Variants in VAV2 observed in about 807,000 individuals in gnomAD.
The protein encoded by VAV2 is vav guanine nucleotide exchange factor 2.
A neutral mutation model predicts 132.5 loss-of-function variants in VAV2; 67 were observed. The ratio of observed to expected loss-of-function variants is 0.51; its 90% CI spans 0.42 to 0.62. The LOEUF is 0.62. Ranked by LOEUF, VAV2 falls within the 20% of genes least tolerant of loss-of-function variation. The probability of loss-of-function intolerance (pLI) is 0.00; values close to 1 mark genes in which losing one functional copy is unlikely to be tolerated. For synonymous variants in VAV2, 492 were observed against 443.5 expected (o/e 1.11, Z -1.37); for missense variants, 938 against 1,153.6 (o/e 0.81, Z 2.71).
rs908600236 is a variant in VAV2 at position 133,991,935 on chromosome 9, GCCGCCCGCCCGCGTCCCGGAGC to G, written c.204+118_204+139del. 5.4e-5 allele frequency: 35 copies of G among 649,108 alleles called. No homozygotes were observed. The highest frequency in any genetic ancestry group is 6.9e-5 in the Non-Finnish European group (35 of 505,366). The allele number at this position is 649,108 out of a possible 1,614,324, so 40.2% of individuals were successfully genotyped here. A position where few individuals can be genotyped will look rare whatever the true frequency, so the allele number is the denominator to read the frequency against. On this transcript the variant is annotated intron_variant, in intron 1 of 29. Coordinates refer to ENST00000371850, the MANE Select transcript of VAV2 (RefSeq NM_001134398.2). This position sits in a 1 kb window ranked among gnomAD's most constrained non-coding sequence, Gnocchi z 4.8. ...TCGGAGGCCCGGGGCGCACCCTCCA[GCCGCCCGCCCGCGTCCCGGAGC>G]CCGGCCGCCCCAGCCAGGGCGCCTG...
At chr9:133,792,378 C>G (rs114431265) in intron 12 of VAV2, among the ~76,000 whole-genome samples, 7 of 126,914 alleles carry the variant, frequency 5.5e-5, no homozygotes, top group Admixed American at 1.6e-4. Flanking sequence ...TGTGTGTGAG[C>G]GGGCTGTGCT....
chr9:133,963,687 G>A (rs942364441), intron 1 of VAV2, among the ~76,000 whole-genome samples: 3 of 152,142 alleles, frequency 2.0e-5, no homozygotes, highest in African/African-American at 4.8e-5. Flanking sequence ...TCCAAGGACT[G>A]TCACACGTGA....
intron 2 of VAV2, among the ~76,000 whole-genome samples, chr9:133,889,994 T>C (rs1051734284): frequency 1.3e-5 from 2 of 152,200 alleles, no homozygotes; most frequent in African/African-American, 4.8e-5. Flanking sequence ...TGGAAGGACC[T>C]GTCATCCTGG....
intron 2 of VAV2, among the ~76,000 whole-genome samples, chr9:133,877,142 G>C (rs968201170): frequency 2.0e-5 from 3 of 152,132 alleles, no homozygotes; most frequent in African/African-American, 7.2e-5. Context: ...CCCCCGCCCG[G>C]CCTGCTAGAC....
intron 1 of VAV2, among the ~76,000 whole-genome samples, chr9:133,990,094 G>A (rs942739818): frequency 2.0e-5 from 3 of 152,208 alleles, no homozygotes; most frequent in Non-Finnish European, 4.4e-5. Context: ...GGAAACTGAG[G>A]CTCTGGAGGT....
chr9:133,817,437 G>T (rs1174235691), intron 4 of VAV2, among the ~76,000 whole-genome samples: 2 of 152,114 alleles, frequency 1.3e-5, no homozygotes, highest in African/African-American at 4.8e-5. Context: ...TGGATCACCT[G>T]AGGTCAGGAG....
At chr9:133,770,554 C>G in intron 26 of VAV2, 53 bp from the exon 27 acceptor site, 1 of 1,601,658 alleles carries the variant, frequency 6.2e-7, no homozygotes, top group Admixed American at 1.7e-5. Context: ...GGAAGTCCTC[C>G]CCCAGTGACC....
chr9:133,789,179 C>T, intron 14 of VAV2, 79 bp downstream of exon 14: 1 of 1,503,388 alleles, frequency 6.7e-7, no homozygotes. Context: ...CTTCCAGAGC[C>T]ACTTAGGAGT....
At chr9:133,877,181 G>A (rs141604751) in intron 2 of VAV2, among the ~76,000 whole-genome samples, 5 of 152,276 alleles carry the variant, frequency 3.3e-5, no homozygotes, top group Admixed American at 3.3e-4. Context: ...TCTGGCCTCG[G>A]GATGCCCTGG....
At position 133,794,958 on chromosome 9, in the gene VAV2, G is replaced by A. The variant is rs1324877140; in HGVS notation, c.1101+710C>T. Among the ~76,000 whole-genome samples the A allele has an allele frequency of 3.3e-5, 5 of 152,250 alleles. No homozygotes were observed. The highest frequency in any genetic ancestry group is 2.1e-4 in the South Asian group (1 of 4,830). ...ACAGTGAAGGCAGGATGAGCAGGAC[G>A]TGGCCAGGTGACGAGGAGGAGGGTG... On this transcript the variant is annotated intron_variant, in intron 12 of 29. Coordinates refer to ENST00000371850, the MANE Select transcript of VAV2 (RefSeq NM_001134398.2). This position sits in a 1 kb window ranked among gnomAD's most constrained non-coding sequence, Gnocchi z 4.6.
At chr9:133,871,018 A>AGATG (rs1207093835) in intron 2 of VAV2, among the ~76,000 whole-genome samples, 2 of 126,066 alleles carry the variant, frequency 1.6e-5, no homozygotes, top group Non-Finnish European at 3.3e-5. Context: ...GTGGGTGAAC[A>AGATG]GATGGATGGA....
chr9:133,856,290 G>A (rs1371944334), intron 3 of VAV2, among the ~76,000 whole-genome samples: 1 of 152,232 alleles, frequency 6.6e-6, no homozygotes, highest in Non-Finnish European at 1.5e-5. Flanking sequence ...TGATATGAAT[G>A]TATTTCAATT....
intron 2 of VAV2, among the ~76,000 whole-genome samples, chr9:133,913,213 CCT>C (rs990437747): frequency 2.0e-5 from 3 of 152,218 alleles, no homozygotes; most frequent in African/African-American, 7.2e-5. Context: ...TGGAACACCC[CCT>C]GTGCTCCCAA....
intron 3 of VAV2, among the ~76,000 whole-genome samples, chr9:133,835,396 G>C (rs979245749): frequency 6.6e-6 from 1 of 150,674 alleles, no homozygotes; most frequent in Admixed American, 6.6e-5. Flanking sequence ...GAAGCGGGGA[G>C]AGGCGGAAGG....
intron 1 of VAV2, among the ~76,000 whole-genome samples, chr9:133,959,839 G>A (rs990374907): frequency 6.6e-6 from 1 of 152,186 alleles, no homozygotes; most frequent in East Asian, 1.9e-4. Flanking sequence ...GCCCAGAGCC[G>A]CAGGAGGTGG....
chr9:133,780,027 CCCA>C, intron 20 of VAV2, 88 bp from the exon 21 acceptor site: 1 of 1,562,662 alleles, frequency 6.4e-7, no homozygotes. Context: ...CCTCCCTGTC[CCCA>C]CTAGTTCCTA....
intron 1 of VAV2, among the ~76,000 whole-genome samples, chr9:133,984,130 C>A (rs567900846): frequency 2.2e-4 from 34 of 152,244 alleles, no homozygotes; most frequent in Middle Eastern, 3.4e-3. Flanking sequence ...CACCACCACA[C>A]CCAGCTAATT....
chr9:133,861,331 G>C (rs752282396), intron 3 of VAV2, 43 bp downstream of exon 3: 1 of 1,583,974 alleles, frequency 6.3e-7, no homozygotes, highest in African/African-American at 1.4e-5. Context: ...TGTCGATGGA[G>C]ATGAAAGGAC....
At chr9:133,872,754 C>A (rs987678051) in intron 2 of VAV2, among the ~76,000 whole-genome samples, 4 of 146,622 alleles carry the variant, frequency 2.7e-5, no homozygotes, top group African/African-American at 1.1e-4. Flanking sequence ...GCCACTCCAA[C>A]CATGGGGCTC....
Sources: gnomAD v4.1 joint callset for allele counts (sites outside exome capture counted in the v4.1 genomes callset) on GRCh38, gnomAD v4.1.1 for gene constraint, Gnocchi (gnomAD v3.1) non-coding constraint, MANE v1.5 for transcripts, NCBI Gene and HGNC (gene_info 2026-07-23, HGNC 2026-07-21) for gene names.